Variants in OXR1 observed in about 807,000 individuals in gnomAD.
The protein encoded by OXR1 is oxidation resistance 1, also known as oxidation resistance protein 1.
In OXR1, 41 loss-of-function variants were observed where a neutral mutation model predicts 104.6. That is an observed-to-expected ratio of 0.39 (90% CI 0.31 to 0.51). The LOEUF is 0.51. Among genes scored for constraint, OXR1 ranks in the 20% least tolerant of loss-of-function variants. The probability of loss-of-function intolerance (pLI) is 0.77; values close to 1 mark genes in which losing one functional copy is unlikely to be tolerated. For missense variants in OXR1, 955 were observed against 1,031.9 expected (o/e 0.93, Z 1.02); for synonymous variants, 348 against 348.4 (o/e 1.00, Z 0.01).
chr8:106,291,099 A>T (rs1812731540), intron 1 of OXR1, among the ~76,000 whole-genome samples: 1 of 152,218 alleles, frequency 6.6e-6, no homozygotes, highest in Non-Finnish European at 1.5e-5. Context: ...TACATCATGG[A>T]ATACTATGCA....
chr8:106,722,394 ATT>A (rs1198656006), intron 11 of OXR1, among the ~76,000 whole-genome samples: 2 of 152,202 alleles, frequency 1.3e-5, no homozygotes, highest in East Asian at 3.8e-4. Flanking sequence ...TCCAGAAGAA[ATT>A]TAATAAATCT....
chr8:106,437,542 G>C (rs1312178459), intron 2 of OXR1, among the ~76,000 whole-genome samples: 1 of 152,050 alleles, frequency 6.6e-6, no homozygotes, highest in East Asian at 1.9e-4. Context: ...CTCCCCTTGG[G>C]AGAAATTAGG....
intron 2 of OXR1, among the ~76,000 whole-genome samples, chr8:106,507,637 A>G (rs1812258413): frequency 5.9e-5 from 9 of 152,164 alleles, no homozygotes; most frequent in Admixed American, 5.9e-4. Flanking sequence ...AATTAGAGGA[A>G]GGGAATGGTG....
chr8:106,598,086 C>T (rs1009029279), intron 3 of OXR1, among the ~76,000 whole-genome samples: 1 of 152,202 alleles, frequency 6.6e-6, no homozygotes, highest in Middle Eastern at 3.2e-3. Context: ...CACCTCCTGG[C>T]CACTATAGTT....
intron 3 of OXR1, among the ~76,000 whole-genome samples, chr8:106,641,240 AAAG>A (rs1413775527): frequency 3.3e-5 from 5 of 152,210 alleles, no homozygotes; most frequent in Admixed American, 3.3e-4. Flanking sequence ...AAACTGGTAT[AAAG>A]AAGGCTTTAG....
intron 11 of OXR1, among the ~76,000 whole-genome samples, chr8:106,718,396 G>A (rs368751215): frequency 4.9e-4 from 74 of 152,178 alleles, no homozygotes; most frequent in African/African-American, 1.7e-3. Context: ...CAAATTTTAA[G>A]GTGGTCAGGA....
chr8:106,279,457 T>C (rs1812190088), intron 1 of OXR1, among the ~76,000 whole-genome samples: 1 of 152,230 alleles, frequency 6.6e-6, no homozygotes, highest in African/African-American at 2.4e-5. Flanking sequence ...TTTTCTTTGG[T>C]ATTGCAGTTT....
At chr8:106,520,086 T>C (rs1266103636) in intron 3 of OXR1, among the ~76,000 whole-genome samples, 2 of 152,298 alleles carry the variant, frequency 1.3e-5, no homozygotes, top group East Asian at 3.9e-4. Context: ...AAAGCTGTAA[T>C]AGTAGAGACT....
At chr8:106,281,354 C>T (rs1812270714) in intron 1 of OXR1, among the ~76,000 whole-genome samples, 1 of 152,090 alleles carries the variant, frequency 6.6e-6, no homozygotes, top group African/African-American at 2.4e-5. Flanking sequence ...GTCATGGATT[C>T]CACAGAATAG....
intron 3 of OXR1, among the ~76,000 whole-genome samples, chr8:106,632,547 T>C (rs1254652012): frequency 6.6e-6 from 1 of 152,190 alleles, no homozygotes; most frequent in East Asian, 1.9e-4. Flanking sequence ...GGCTAATGCT[T>C]CTTCTGTATT....
chr8:106,741,873 G>A lies in OXR1; in HGVS notation c.2317-349G>A, dbSNP rs28924688. Reference sequence around the variant, plus strand: ...TGAAGGACTTATTTTATTAAGCACCGCAATCCCATAGCATCATGTTATCCA... The same window carrying A: ...TGAAGGACTTATTTTATTAAGCACCACAATCCCATAGCATCATGTTATCCA... On this transcript the variant is annotated intron_variant, in intron 14 of 16. Coordinates refer to ENST00000517566, the MANE Select transcript of OXR1 (RefSeq NM_001198533.2). Among the ~76,000 whole-genome samples the A allele has an allele frequency of 2.5e-3, 381 of 152,184 alleles. 5 individuals are homozygous for A. The highest frequency in any genetic ancestry group is 8.5e-3 in the African/African-American group (353 of 41,544).
At chr8:106,750,314 CT>C (rs1248803649) in intron 16 of OXR1, among the ~76,000 whole-genome samples, 1 of 134,286 alleles carries the variant, frequency 7.4e-6, no homozygotes, top group Non-Finnish European at 1.6e-5. Context: ...TTTTTCTTTT[CT>C]TTTCTTTTCT....
intron 3 of OXR1, among the ~76,000 whole-genome samples, chr8:106,550,291 A>G (rs1247110621): frequency 6.6e-6 from 1 of 152,208 alleles, no homozygotes; most frequent in African/African-American, 2.4e-5. Flanking sequence ...AGTGTACACT[A>G]GACAAAGAAG....
intron 3 of OXR1, among the ~76,000 whole-genome samples, chr8:106,592,177 T>C (rs1479222574): frequency 2.0e-5 from 3 of 152,150 alleles, no homozygotes; most frequent in African/African-American, 7.2e-5. Context: ...GTCAACAAAC[T>C]ACTGTGTGCC....
intron 2 of OXR1, among the ~76,000 whole-genome samples, chr8:106,489,521 A>C (rs1005976427): frequency 6.6e-6 from 1 of 152,132 alleles, no homozygotes; most frequent in Admixed American, 6.5e-5. Flanking sequence ...ATCATATCTT[A>C]TATGTAGTAG....
At chr8:106,288,671 A>C (rs937106153) in intron 1 of OXR1, among the ~76,000 whole-genome samples, 2 of 147,524 alleles carry the variant, frequency 1.4e-5, no homozygotes, top group African/African-American at 2.5e-5. Flanking sequence ...TCTATATTTA[A>C]ATTTATGTAT....
At chr8:106,355,082 A>G (rs1382281469) in intron 1 of OXR1, among the ~76,000 whole-genome samples, 1 of 152,126 alleles carries the variant, frequency 6.6e-6, no homozygotes, top group Admixed American at 6.5e-5. Context: ...TGAGTGACCT[A>G]AAGAGAACAA....
intron 3 of OXR1, among the ~76,000 whole-genome samples, chr8:106,592,991 T>C (rs900530860): frequency 1.3e-5 from 2 of 152,240 alleles, no homozygotes; most frequent in African/African-American, 4.8e-5. Flanking sequence ...TGTTTTCCTC[T>C]GTTTAGAATC....
intron 11 of OXR1, among the ~76,000 whole-genome samples, chr8:106,717,078 C>T (rs1476028199): frequency 3.9e-5 from 6 of 151,932 alleles, no homozygotes; most frequent in Admixed American, 2.6e-4. Context: ...CCCAGTTGCT[C>T]GGGAGGCTGA....
Sources: allele counts gnomAD v4.1 joint callset (sites outside exome capture counted in the v4.1 genomes callset), GRCh38; gene constraint gnomAD v4.1.1; transcripts MANE v1.5; gene names NCBI Gene and HGNC (gene_info 2026-07-23, HGNC 2026-07-21).